Variants in CCDC144A observed in about 807,000 individuals in gnomAD.
The protein encoded by CCDC144A is coiled-coil domain containing 144A.
A neutral mutation model predicts 143.8 loss-of-function variants in CCDC144A; 41 were observed. That is an observed-to-expected ratio of 0.29 (90% confidence interval 0.22 to 0.37). The LOEUF is 0.37. Among genes scored for constraint, CCDC144A ranks in the 10% least tolerant of loss-of-function variants. CCDC144A has a pLI of 1.00. For missense variants in CCDC144A, 637 were observed against 1,488.8 expected (o/e 0.43, Z 9.41); for synonymous variants, 242 against 517.9 (o/e 0.47, Z 7.23).
At chr17:16,696,942 A>G (rs963852193) in intron 2 of CCDC144A, among the ~76,000 whole-genome samples, 2 of 151,578 alleles carry the variant, frequency 1.3e-5, no homozygotes, top group Admixed American at 6.6e-5. Context: ...GAGAAGACTC[A>G]GAAGGGTGCA....
At chr17:16,685,160 G>C (rs535513271), upstream of CCDC144A, among the ~76,000 whole-genome samples, 4 of 152,052 alleles carry the variant, frequency 2.6e-5, no homozygotes, top group African/African-American at 9.7e-5. Flanking sequence ...CCAAGTATCT[G>C]GGATTGCGGG....
chr17:16,695,030 G>A (rs1911316176), intron 2 of CCDC144A, among the ~76,000 whole-genome samples: 1 of 152,210 alleles, frequency 6.6e-6, no homozygotes, highest in African/African-American at 2.4e-5. Flanking sequence ...AACTGTAAGA[G>A]GACACCTTTA....
chr17:16,672,757 C>T, the CCDC144A span, among the ~76,000 whole-genome samples: 1 of 152,146 alleles, frequency 6.6e-6, no homozygotes, highest in Admixed American at 6.5e-5. Flanking sequence ...TTTTTCTAGT[C>T]TAATTCTAAG....
chr17:16,718,094 T>G (rs1026086963), intron 6 of CCDC144A, among the ~76,000 whole-genome samples: 4 of 151,982 alleles, frequency 2.6e-5, no homozygotes, highest in Non-Finnish European at 5.9e-5. Flanking sequence ...TAGAAAATAG[T>G]GTAGTCTGCC....
intron 6 of CCDC144A, among the ~76,000 whole-genome samples, chr17:16,719,292 A>G (rs1345597540): frequency 6.6e-6 from 1 of 152,154 alleles, no homozygotes; most frequent in African/African-American, 2.4e-5. Context: ...GGGTGAATAC[A>G]TGAATGAATA....
At chr17:16,729,010 T>C (rs535715628) in intron 9 of CCDC144A, among the ~76,000 whole-genome samples, 14 of 152,226 alleles carry the variant, frequency 9.2e-5, no homozygotes, top group Non-Finnish European at 1.8e-4. Context: ...CTTAGGTTGA[T>C]TCCGTATCTT....
At chr17:16,685,671 T>A (rs1189693504), upstream of CCDC144A, among the ~76,000 whole-genome samples, 1 of 151,006 alleles carries the variant, frequency 6.6e-6, no homozygotes, top group Non-Finnish European at 1.5e-5. Flanking sequence ...TCCAGTACAG[T>A]TTTAAATAGG....
At position 16,693,018 on chromosome 17, in the gene CCDC144A, A is replaced by G; in HGVS notation, c.384A>G (p.Thr128=). ...TTCCTGAATATAAGGAAAAACAGAC[A>G]CCTGAAAGTCTTCCTCAAAATAACA... ...QLVPEYKEKQ[T]PESLPQNNNP... Residue 128 remains threonine, a synonymous_variant, in exon 2 of 17, where the codon ACA becomes ACG. Coordinates refer to ENST00000399273, the MANE Select transcript of CCDC144A (RefSeq NM_001382000.1). 1 of 1,540,318 alleles carries G rather than the reference A, an allele frequency of 6.5e-7. No individual in the cohort carries two copies. Among genetic ancestry groups the G allele is most frequent in the South Asian group, 1.2e-5 (1 of 80,324 alleles).
chr17:16,711,136 G>GCAAAAA (rs1912386087), intron 5 of CCDC144A, among the ~76,000 whole-genome samples: 1 of 21,790 alleles, frequency 4.6e-5, no homozygotes, highest in Non-Finnish European at 8.6e-5. Flanking sequence ...GGATTCAAAT[G>GCAAAAA]AAAAAAAAAA....
At chr17:16,717,049 C>G (rs1181309164) in intron 6 of CCDC144A, among the ~76,000 whole-genome samples, 1 of 151,666 alleles carries the variant, frequency 6.6e-6, no homozygotes, top group Non-Finnish European at 1.5e-5. Context: ...GATCCGCCCG[C>G]CTCGGCCTCC....
At chr17:16,721,984 A>C (rs1291605080) in intron 8 of CCDC144A, among the ~76,000 whole-genome samples, 4 of 152,272 alleles carry the variant, frequency 2.6e-5, no homozygotes, top group Admixed American at 2.0e-4. Context: ...ATGCTGACTA[A>C]AATAGTGAAA....
the CCDC144A span, among the ~76,000 whole-genome samples, chr17:16,681,096 T>A: frequency 2.0e-5 from 3 of 152,114 alleles, no homozygotes; most frequent in South Asian, 6.3e-4. Context: ...ATGAGATGAA[T>A]AACTTGAAAA....
upstream of CCDC144A, among the ~76,000 whole-genome samples, chr17:16,686,452 A>AT (rs974382145): frequency 2.6e-5 from 4 of 151,528 alleles, no homozygotes; most frequent in East Asian, 3.9e-4. Context: ...CCCGACTACC[A>AT]TTTTTTTTGT....
In CCDC144A at chr17:16,735,048, A is replaced by G; in HGVS notation, c.2777A>G (p.Asp926Gly). 1 of 1,611,562 alleles carries G rather than the reference A, an allele frequency of 6.2e-7. No individual in the cohort carries two copies. The highest frequency in any genetic ancestry group is 1.1e-5 in the South Asian group (1 of 90,826). The change falls in exon 12 of 17, where the codon GAC (aspartate) becomes GGC (glycine). Residue 926 changes from aspartate (D) to glycine (G), a missense_variant. Physicochemically the swap from Asp to Gly is moderately conservative, Grantham distance 94. Coordinates refer to ENST00000399273, the MANE Select transcript of CCDC144A (RefSeq NM_001382000.1). The stretch of plus-strand genomic sequence containing the variant: ...TGTAGACTAGCTGCTGCTGTACGTG[A>G]CTGTGATCAAAGTCAGACAGCAAGA... ...YRCRLAAAVR[D>G]CDQSQTARDL...
chr17:16,723,489 A>T (rs937039742), intron 8 of CCDC144A, among the ~76,000 whole-genome samples: 1 of 151,588 alleles, frequency 6.6e-6, no homozygotes, highest in African/African-American at 2.4e-5. Flanking sequence ...TTCATCTTTG[A>T]TGTTTTGGTC....
intron 9 of CCDC144A, among the ~76,000 whole-genome samples, chr17:16,728,894 T>C (rs1424172537): frequency 1.3e-5 from 2 of 152,200 alleles, no homozygotes; most frequent in Non-Finnish European, 2.9e-5. Flanking sequence ...TCCAGTCCCT[T>C]CCAAGTTGCT....
chr17:16,682,018 A>T, the CCDC144A span, among the ~76,000 whole-genome samples: 5 of 152,200 alleles, frequency 3.3e-5, no homozygotes, highest in African/African-American at 7.2e-5. Context: ...CTGAAATAAG[A>T]ATTTATAATA....
rs1289717540 is a variant in CCDC144A at position 16,761,549 on chromosome 17, C to T, written c.3497C>T (p.Thr1166Ile). 1 of 1,590,028 alleles carries T rather than the reference C, an allele frequency of 6.3e-7. No individual in the cohort carries two copies. Among genetic ancestry groups the T allele is most frequent in the African/African-American group, 1.3e-5 (1 of 74,074 alleles). The change falls in exon 13 of 17, where the codon ACA becomes ATA. Residue 1166 changes from threonine to isoleucine, a missense_variant. Coordinates refer to ENST00000399273, the MANE Select transcript of CCDC144A (RefSeq NM_001382000.1). ...AAAGCAATACAAAAGCAATGTGAAA[C>T]ACTACAGAAGAATAAGAAGCAGCTG... ...SMKAIQKQCE[T>I]LQKNKKQLKQ...
chr17:16,719,798 A>G (rs1912981257), intron 6 of CCDC144A, among the ~76,000 whole-genome samples: 1 of 151,918 alleles, frequency 6.6e-6, no homozygotes, highest in Non-Finnish European at 1.5e-5. Context: ...TGTGAGTAAT[A>G]TTTTCCAAAT....
Sources: gnomAD v4.1 joint callset for allele counts (sites outside exome capture counted in the v4.1 genomes callset) on GRCh38, gnomAD v4.1.1 for gene constraint, MANE v1.5 for transcripts, NCBI Gene and HGNC (gene_info 2026-07-23, HGNC 2026-07-21) for gene names.